KHDRBS2: variants seen among roughly 807,000 people sequenced by gnomAD.
KHDRBS2 encodes the protein KH RNA binding domain containing, signal transduction associated 2.
In KHDRBS2, 26 loss-of-function variants were observed where a neutral mutation model predicts 44.3. The ratio of observed to expected loss-of-function variants is 0.59; its 90% CI spans 0.43 to 0.81. The LOEUF (loss-of-function observed/expected upper bound fraction) is 0.81. Ranked by LOEUF, KHDRBS2 falls within the 40% of genes least tolerant of loss-of-function variation. The pLI is 0.00. For missense variants in KHDRBS2, 476 were observed against 433.1 expected, an observed-to-expected ratio of 1.10 and a Z score of -0.88; for synonymous variants, 194 against 151.1, an observed-to-expected ratio of 1.28 and a Z score of -2.08.
chr6:62,267,529 C>T (rs752095278), intron 1 of KHDRBS2, among the ~76,000 whole-genome samples: 2 of 152,006 alleles, frequency 1.3e-5, no homozygotes, highest in Non-Finnish European at 2.9e-5. Context: ...TGGACAATCT[C>T]CTTAAAAATC....
chr6:61,896,592 A>C (rs760458082), intron 5 of KHDRBS2, among the ~76,000 whole-genome samples: 2 of 152,108 alleles, frequency 1.3e-5, no homozygotes, highest in Non-Finnish European at 2.9e-5. Context: ...TATTAACCTC[A>C]TTGTTCTCTC....
intron 2 of KHDRBS2, among the ~76,000 whole-genome samples, chr6:62,071,120 T>C (rs1794962985): frequency 6.6e-6 from 1 of 152,214 alleles, no homozygotes; most frequent in Non-Finnish European, 1.5e-5. Flanking sequence ...ATGTGTCTTT[T>C]GGTTGCATAA....
At chr6:61,612,839 C>CTTTTTTTTT in the KHDRBS2 span, among the ~76,000 whole-genome samples, 4 of 77,414 alleles carry the variant, frequency 5.2e-5, 1 homozygote, top group African/African-American at 2.1e-4. Context: ...AAAATGCAGC[C>CTTTTTTTTT]TTTTTTTTTT....
chr6:61,773,144 G>C (rs1056395753), intron 6 of KHDRBS2, among the ~76,000 whole-genome samples: 3 of 151,762 alleles, frequency 2.0e-5, no homozygotes, highest in Admixed American at 6.6e-5. Context: ...ATAGTCCTTT[G>C]GGTATATACC....
intron 4 of KHDRBS2, among the ~76,000 whole-genome samples, chr6:61,976,326 C>G (rs1181308009): frequency 6.6e-6 from 1 of 152,190 alleles, no homozygotes; most frequent in South Asian, 2.1e-4. Flanking sequence ...TATCCTCACA[C>G]AGTATATATT....
At chr6:61,974,477 C>A (rs1309600143) in intron 4 of KHDRBS2, among the ~76,000 whole-genome samples, 1 of 152,008 alleles carries the variant, frequency 6.6e-6, no homozygotes, top group Non-Finnish European at 1.5e-5. Flanking sequence ...CGTTACTCAT[C>A]AAAAAATTTA....
chr6:61,656,796 C>T, the KHDRBS2 span, among the ~76,000 whole-genome samples: 10 of 151,840 alleles, frequency 6.6e-5, no homozygotes, highest in Admixed American at 3.9e-4. Context: ...TTCAAGATGA[C>T]GTATATACCA....
At position 61,781,048 on chromosome 6, in the gene KHDRBS2, G is replaced by A. The variant is rs990614409; in HGVS notation, c.811-48284C>T. 7.2e-5 allele frequency among the ~76,000 whole-genome samples: 11 copies of A among 152,248 alleles called. No individual in the cohort carries two copies. The East Asian group carries it at 2.1e-3, about 29-fold the overall frequency. ...AAAGTGACAATTATGTAAGCCACAA[G>A]CCAATATTTTAAAACAGAACATCCC... On this transcript the variant is annotated intron_variant, in intron 6 of 8. Transcript: ENST00000281156.
At chr6:62,033,835 A>T (rs1389817289) in intron 3 of KHDRBS2, among the ~76,000 whole-genome samples, 18 of 151,662 alleles carry the variant, frequency 1.2e-4, no homozygotes, top group Admixed American at 1.2e-3. Flanking sequence ...TGAAATATCC[A>T]TGAAATAAGA....
chr6:61,548,797 A>C, the KHDRBS2 span, among the ~76,000 whole-genome samples: 1 of 152,140 alleles, frequency 6.6e-6, no homozygotes, highest in East Asian at 1.9e-4. Context: ...AAGTGGAGTT[A>C]TCTTTTCTCA....
At chr6:61,945,484 C>T (rs977137979) in intron 4 of KHDRBS2, among the ~76,000 whole-genome samples, 24 of 151,930 alleles carry the variant, frequency 1.6e-4, no homozygotes, top group African/African-American at 3.4e-4. Flanking sequence ...AAGATACAAA[C>T]GGCACAACTT....
intron 6 of KHDRBS2, among the ~76,000 whole-genome samples, chr6:61,863,686 A>G (rs1214766706): frequency 6.6e-6 from 1 of 152,000 alleles, no homozygotes; most frequent in African/African-American, 2.4e-5. Context: ...TTTGCTGGGG[A>G]GTGTTTTACT....
intron 4 of KHDRBS2, among the ~76,000 whole-genome samples, chr6:61,932,903 T>C (rs1232543394): frequency 6.6e-5 from 10 of 152,204 alleles, no homozygotes; most frequent in Admixed American, 6.5e-4. Context: ...TTGCAAATGG[T>C]AGGATTTCAT....
At position 62,106,149 on chromosome 6, in the gene KHDRBS2, G is replaced by C. The variant is rs527549062; in HGVS notation, c.220-58155C>G. On this transcript the variant is annotated intron_variant, in intron 2 of 8. Transcript: ENST00000281156. ...TGCACTGTGGTGTGAGAGACAGTTTGTTATAATTTCTGTTCTTTTACATTT... is the reference window on the plus strand; with the variant it reads ...TGCACTGTGGTGTGAGAGACAGTTTCTTATAATTTCTGTTCTTTTACATTT... 1.1e-3 allele frequency among the ~76,000 whole-genome samples: 164 copies of C among 152,240 alleles called. 1 individual carries two copies. The highest frequency in any genetic ancestry group is 1.9e-3 in the Admixed American group (29 of 15,278).
chr6:61,584,271 A>G, the KHDRBS2 span, among the ~76,000 whole-genome samples: 1 of 151,880 alleles, frequency 6.6e-6, no homozygotes, highest in Non-Finnish European at 1.5e-5. Context: ...TGATGAAAGT[A>G]TACAACCTTG....
intron 2 of KHDRBS2, among the ~76,000 whole-genome samples, chr6:62,120,292 G>C (rs941864315): frequency 1.2e-4 from 19 of 152,096 alleles, no homozygotes; most frequent in Admixed American, 1.2e-3. Flanking sequence ...GAGTGAATTA[G>C]TCACTTTAGA....
At chr6:61,813,980 A>C (rs1166920247) in intron 6 of KHDRBS2, 1 of 445,328 alleles carries the variant, frequency 2.2e-6, no homozygotes, top group East Asian at 7.1e-5. Flanking sequence ...CCTCCATGCC[A>C]GTAAAAAAAG....
the KHDRBS2 span, among the ~76,000 whole-genome samples, chr6:61,643,036 G>T: frequency 2.4e-4 from 36 of 152,236 alleles, no homozygotes; most frequent in East Asian, 2.5e-3. Flanking sequence ...TTAAAAGAGA[G>T]CTTGAGTGTG....
intron 4 of KHDRBS2, among the ~76,000 whole-genome samples, chr6:61,971,919 G>T (rs1771510063): frequency 6.6e-6 from 1 of 151,952 alleles, no homozygotes; most frequent in Non-Finnish European, 1.5e-5. Flanking sequence ...ATTCTACTAG[G>T]TCAGTGGCTC....
Sources: gnomAD v4.1 joint callset for allele counts (sites outside exome capture counted in the v4.1 genomes callset) on GRCh38, gnomAD v4.1.1 for gene constraint, MANE v1.5 for transcripts, NCBI Gene and HGNC (gene_info 2026-07-23, HGNC 2026-07-21) for gene names.